REPS2: variants seen among roughly 807,000 people sequenced by gnomAD.
REPS2 encodes the protein RALBP1 associated Eps domain containing 2.
A neutral mutation model predicts 53.6 loss-of-function variants in REPS2; 23 were observed. The observed-to-expected ratio is 0.43, with a 90% CI of 0.31 to 0.61. The LOEUF is 0.61. Among genes scored for constraint, REPS2 ranks in the 20% least tolerant of loss-of-function variants. REPS2 has a pLI of 0.11. For missense variants in REPS2, 446 were observed against 534.9 expected, an observed-to-expected ratio of 0.83 and a Z score of 1.64; for synonymous variants, 238 against 218.6, an observed-to-expected ratio of 1.09 and a Z score of -0.78.
chrX:17,062,251 A>G (rs2062167783), intron 8 of REPS2, among the ~76,000 whole-genome samples, 187 bp from the exon 9 acceptor site: 1 of 112,238 alleles, frequency 8.9e-6, no homozygotes, highest in South Asian at 3.7e-4. Context: ...AATGGGGATA[A>G]TAGAAGTACT....
At chrX:17,154,899 A>G (rs2063600035), downstream of REPS2, among the ~76,000 whole-genome samples, 1 of 111,691 alleles carries the variant, frequency 9.0e-6, no homozygotes, top group Admixed American at 9.5e-5. Context: ...AACTCAGATT[A>G]TGAGGATTCA....
chrX:17,013,091 T>C (rs971883369), intron 2 of REPS2, among the ~76,000 whole-genome samples: 4 of 112,281 alleles, frequency 3.6e-5, no homozygotes, highest in African/African-American at 1.3e-4. Flanking sequence ...TGAGGAGACA[T>C]TTTTGGTTGT....
In REPS2 at chrX:17,077,365, T is replaced by G. The variant is rs1370185338; in HGVS notation, c.1474T>G (p.Ser492Ala). 5 of 1,209,881 alleles carry G rather than the reference T, an allele frequency of 4.1e-6. No individual in the cohort carries two copies. The highest frequency in any genetic ancestry group is 2.2e-5 in the Admixed American group (1 of 45,812). Residue 492 changes from serine to alanine, a missense_variant, in exon 13 of 18, where the codon TCC (serine) becomes GCC (alanine). Coordinates refer to ENST00000357277, the MANE Select transcript of REPS2 (RefSeq NM_004726.3). ...PRPQKTHSRA[S>A]SLDLNKVFQP... is the part of the protein sequence containing the mutation. ...GCCACAGAAAACCCATTCCAGAGCC[T>G]CCTCCTTGGATCTGAATAAAGTCTT...
intron 14 of REPS2, among the ~76,000 whole-genome samples, chrX:17,122,949 G>C (rs1055065746): frequency 8.9e-6 from 1 of 112,401 alleles, no homozygotes; most frequent in Non-Finnish European, 1.9e-5. Flanking sequence ...AATTCAGATT[G>C]TAAGTGTGAT....
intron 1 of REPS2, among the ~76,000 whole-genome samples, chrX:16,975,207 T>A (rs1602567280): frequency 8.9e-6 from 1 of 112,415 alleles, no homozygotes; most frequent in African/African-American, 3.2e-5. Flanking sequence ...GGTAGAATGA[T>A]TTATATTCCT....
chrX:16,965,120 C>T (rs1015561227), intron 1 of REPS2, among the ~76,000 whole-genome samples: 10 of 83,872 alleles, frequency 1.2e-4, no homozygotes, highest in Admixed American at 1.2e-4. Flanking sequence ...CCGGACGGGG[C>T]GGCTGGCCGG....
At chrX:17,189,530 A>G in the REPS2 span, among the ~76,000 whole-genome samples, 1 of 110,024 alleles carries the variant, frequency 9.1e-6, no homozygotes. Context: ...CAGGCAATCC[A>G]CCCGCCTGGG....
chrX:17,150,127 CCTCT>C lies in REPS2; in HGVS notation c.*2649_*2652del, dbSNP rs1439515375. On this transcript the variant is annotated 3_prime_UTR_variant, in exon 18 of 18. Coordinates refer to ENST00000357277, the MANE Select transcript of REPS2 (RefSeq NM_004726.3). ...TTATTATTACCTAAGTAGTGCTCAT[CCTCT>C]CTTTCTGTGTTTTCTTAGGATGTGC... The C allele has an allele frequency of 8.9e-5, 10 of 112,583 alleles. No individual in the cohort carries two copies. Among genetic ancestry groups the C allele is most frequent in the Admixed American group, 7.5e-4 (8 of 10,661 alleles). 9.3% of individuals were successfully genotyped at this position (112,583 alleles called of 1,213,427 possible). A position where few individuals can be genotyped will look rare whatever the true frequency, so the allele number is the denominator to read the frequency against.
At chrX:17,090,328 C>T (rs1399271392) in intron 13 of REPS2, among the ~76,000 whole-genome samples, 3 of 112,247 alleles carry the variant, frequency 2.7e-5, no homozygotes, top group Admixed American at 1.9e-4. Flanking sequence ...AGGCATGTCT[C>T]ACATGGTGGC....
At chrX:16,968,689 C>T (rs780300956) in intron 1 of REPS2, among the ~76,000 whole-genome samples, 14 of 82,930 alleles carry the variant, frequency 1.7e-4, no homozygotes, top group South Asian at 1.3e-3. Context: ...GCTGGCCGGG[C>T]GGGGGGCTGA....
Position 17,047,492 on chromosome X carries a change from T to G in REPS2, c.907+10T>G. The G allele has an allele frequency of 8.3e-7, 1 of 1,208,461 alleles. No homozygotes were observed. The highest frequency in any genetic ancestry group is 1.8e-5 in the South Asian group (1 of 56,146). On this transcript the variant is annotated intron_variant, in intron 6 of 17. Transcript: ENST00000357277. ...AGCTCTTTCATTTCAGGTAAGAATG[T>G]GGGCTCCCTAGGCATCACTCTCACC...
chrX:17,004,699 T>C (rs1405963665), intron 1 of REPS2, among the ~76,000 whole-genome samples: 1 of 111,887 alleles, frequency 8.9e-6, no homozygotes, highest in Non-Finnish European at 1.9e-5. Context: ...AGTCTTCAAG[T>C]ACCATAAATG....
At chrX:16,966,811 G>T (rs2060776159) in intron 1 of REPS2, among the ~76,000 whole-genome samples, 1 of 112,486 alleles carries the variant, frequency 8.9e-6, no homozygotes, top group African/African-American at 3.2e-5. Flanking sequence ...AGAAGAGAGT[G>T]TTGAGTGGTT....
intron 2 of REPS2, among the ~76,000 whole-genome samples, chrX:17,020,189 T>C (rs1418064860): frequency 8.9e-6 from 1 of 112,212 alleles, no homozygotes; most frequent in Non-Finnish European, 1.9e-5. Flanking sequence ...AATATAATAA[T>C]TGATATTCAT....
intron 1 of REPS2, among the ~76,000 whole-genome samples, chrX:16,974,308 G>A (rs1316251605): frequency 9.0e-6 from 1 of 110,765 alleles, no homozygotes; most frequent in East Asian, 2.8e-4. Flanking sequence ...TCATGACATC[G>A]ACATTTTGAA....
At chrX:17,143,256 A>G (rs2072716645) in intron 17 of REPS2, among the ~76,000 whole-genome samples, 1 of 112,279 alleles carries the variant, frequency 8.9e-6, no homozygotes, top group Non-Finnish European at 1.9e-5. Context: ...ACAAATCTGT[A>G]CACTAAAAGA....
intron 2 of REPS2, among the ~76,000 whole-genome samples, chrX:17,010,005 G>A (rs1172398592): frequency 9.0e-6 from 1 of 110,867 alleles, no homozygotes; most frequent in East Asian, 2.8e-4. Context: ...GCAGTCTTGG[G>A]TTCCTAGGGA....
At position 17,006,229 on chromosome X, in the gene REPS2, A is replaced by G. The variant is rs2061361582; in HGVS notation, c.282A>G (p.Glu94=). 1 of 1,210,861 alleles carries G rather than the reference A, an allele frequency of 8.3e-7. No homozygotes were observed. The highest frequency in any genetic ancestry group is 3.0e-5 in the East Asian group (1 of 33,834). Residue 94 remains glutamate (E), a synonymous_variant, in exon 2 of 18, where the codon GAA becomes GAG. Coordinates refer to ENST00000357277, the MANE Select transcript of REPS2 (RefSeq NM_004726.3). The part of the protein sequence containing the change: ...LPAETLHQIT[E]LCGAKRVGYF... Reference sequence around the variant, plus strand: ...TTCTTGTCTGTTCTCAGATCACAGAACTGTGTGGTGCAAAGCGGGTTGGTT... The same window carrying G: ...TTCTTGTCTGTTCTCAGATCACAGAGCTGTGTGGTGCAAAGCGGGTTGGTT...
At chrX:17,119,972 G>A (rs906180071) in intron 14 of REPS2, among the ~76,000 whole-genome samples, 1 of 105,241 alleles carries the variant, frequency 9.5e-6, no homozygotes, top group African/African-American at 3.5e-5. Flanking sequence ...CGCCTCCCAG[G>A]TTCAAGCAAT....
Sources: gnomAD v4.1 joint callset for allele counts (sites outside exome capture counted in the v4.1 genomes callset) on GRCh38, gnomAD v4.1.1 for gene constraint, MANE v1.5 for transcripts, NCBI Gene and HGNC (gene_info 2026-07-23, HGNC 2026-07-21) for gene names.